SNTG2: variants seen among roughly 807,000 people sequenced by gnomAD.
SNTG2 encodes the protein syntrophin gamma 2, also known as gamma-2-syntrophin.
In SNTG2, 74 loss-of-function variants were observed where a neutral mutation model predicts 70.9. The ratio of observed to expected loss-of-function variants is 1.04; its 90% CI spans 0.86 to 1.27. The LOEUF (loss-of-function observed/expected upper bound fraction) is 1.27, where lower values mean the gene tolerates loss of function less well. Among genes scored for constraint, SNTG2 ranks in the 50% most tolerant of loss-of-function variants. The pLI, the probability that SNTG2 is intolerant of heterozygous loss-of-function variation, is 0.00. For missense variants in SNTG2, 717 were observed against 690.7 expected (o/e 1.04, Z -0.43); for synonymous variants, 278 against 273.8 (o/e 1.02, Z -0.15).
At chr2:1,021,417 A>G (rs1660165613) in intron 1 of SNTG2, among the ~76,000 whole-genome samples, 1 of 152,184 alleles carries the variant, frequency 6.6e-6, no homozygotes, top group South Asian at 2.1e-4. Context: ...CCCATTTTCC[A>G]AGGAGATATA....
intron 14 of SNTG2, among the ~76,000 whole-genome samples, chr2:1,282,537 TTTAA>T (rs1430023968): frequency 1.3e-5 from 2 of 152,196 alleles, no homozygotes; most frequent in Non-Finnish European, 2.9e-5. Flanking sequence ...CTGGATGCTT[TTTAA>T]TTATAATCCC....
intron 11 of SNTG2, among the ~76,000 whole-genome samples, chr2:1,240,528 C>G (rs1330636960): frequency 6.6e-6 from 1 of 152,142 alleles, no homozygotes; most frequent in African/African-American, 2.4e-5. Context: ...GGTTACATCT[C>G]TTAGGGGCGT....
At chr2:1,072,784 T>C (rs1410902484) in intron 1 of SNTG2, among the ~76,000 whole-genome samples, 1 of 152,194 alleles carries the variant, frequency 6.6e-6, no homozygotes, top group Non-Finnish European at 1.5e-5. Flanking sequence ...TTCACCATTC[T>C]AGATGCCACT....
intron 6 of SNTG2, among the ~76,000 whole-genome samples, chr2:1,141,105 C>T (rs930363578): frequency 6.6e-6 from 1 of 152,058 alleles, no homozygotes. Context: ...GGTGGGAAGC[C>T]CCATTCACAG....
chr2:1,142,460 G>A (rs550528995), intron 6 of SNTG2, among the ~76,000 whole-genome samples: 33 of 151,620 alleles, frequency 2.2e-4, no homozygotes, highest in Admixed American at 2.0e-3. Flanking sequence ...CCACAGCAGA[G>A]TTCCTGGGAT....
At chr2:1,194,907 A>G (rs1345651887) in intron 8 of SNTG2, among the ~76,000 whole-genome samples, 3 of 151,982 alleles carry the variant, frequency 2.0e-5, no homozygotes, top group Non-Finnish European at 4.4e-5. Flanking sequence ...GCCCCAGTGT[A>G]TGATGTTCCC....
At chr2:994,665 G>C (rs1013908008) in intron 1 of SNTG2, among the ~76,000 whole-genome samples, 1 of 151,796 alleles carries the variant, frequency 6.6e-6, no homozygotes, top group African/African-American at 2.4e-5. Context: ...AATTTTAACT[G>C]TATTGCCTTC....
At chr2:1,312,293 G>T (rs1360167338) in intron 15 of SNTG2, among the ~76,000 whole-genome samples, 1 of 152,186 alleles carries the variant, frequency 6.6e-6, no homozygotes, top group African/African-American at 2.4e-5. Flanking sequence ...CCCCACGCAG[G>T]CGGGTCTCCT....
intron 10 of SNTG2, 56 bp from the exon 11 acceptor site, chr2:1,239,682 T>C (rs1355520612): frequency 6.3e-7 from 1 of 1,580,428 alleles, no homozygotes; most frequent in African/African-American, 1.3e-5. Flanking sequence ...GTCACTCAGG[T>C]GAGCCATCCT....
At chr2:1,040,271 G>A (rs1661362290) in intron 1 of SNTG2, among the ~76,000 whole-genome samples, 1 of 152,304 alleles carries the variant, frequency 6.6e-6, no homozygotes, top group African/African-American at 2.4e-5. Flanking sequence ...CCAGGCATGG[G>A]GAGTTTTGAA....
At chr2:1,309,061 A>G (rs1259244432) in intron 15 of SNTG2, among the ~76,000 whole-genome samples, 1 of 152,188 alleles carries the variant, frequency 6.6e-6, no homozygotes, top group Non-Finnish European at 1.5e-5. Flanking sequence ...TGTTAAGGAA[A>G]TGCTTTGTGA....
At chr2:1,171,578 G>A (rs1294987441) in intron 7 of SNTG2, among the ~76,000 whole-genome samples, 2 of 152,224 alleles carry the variant, frequency 1.3e-5, no homozygotes, top group Non-Finnish European at 2.9e-5. Context: ...TCTGGGTGCT[G>A]TGTGGAGCAG....
At chr2:1,225,325 G>A (rs555300188) in intron 9 of SNTG2, among the ~76,000 whole-genome samples, 9 of 152,314 alleles carry the variant, frequency 5.9e-5, no homozygotes, top group South Asian at 2.1e-4. Context: ...TTTAAATGCA[G>A]TTGTTAGTAA....
chr2:1,300,181 G>A (rs1427120458), intron 14 of SNTG2, among the ~76,000 whole-genome samples: 1 of 152,146 alleles, frequency 6.6e-6, no homozygotes, highest in Non-Finnish European at 1.5e-5. Flanking sequence ...TGCAAGACAG[G>A]TGCCTTAAAT....
intron 1 of SNTG2, among the ~76,000 whole-genome samples, chr2:1,065,359 T>C (rs535035071): frequency 6.6e-6 from 1 of 152,260 alleles, no homozygotes; most frequent in African/African-American, 2.4e-5. Flanking sequence ...AGGGAACATA[T>C]TCATGATTAC....
chr2:1,044,394 G>A (rs2148064311), intron 1 of SNTG2, among the ~76,000 whole-genome samples: 1 of 152,182 alleles, frequency 6.6e-6, no homozygotes. Context: ...TCTTTCTCTT[G>A]CCTGATTGCT....
At chr2:1,233,364 G>A (rs1401826413) in intron 9 of SNTG2, among the ~76,000 whole-genome samples, 1 of 152,180 alleles carries the variant, frequency 6.6e-6, no homozygotes, top group African/African-American at 2.4e-5. Flanking sequence ...CAGATGATTT[G>A]AAAAAGGGTC....
chr2:1,104,615 G>A (rs7575165), intron 4 of SNTG2, among the ~76,000 whole-genome samples: 2 of 152,042 alleles, frequency 1.3e-5, no homozygotes, highest in East Asian at 3.9e-4. Flanking sequence ...ACTTGTCAGC[G>A]TGGCCCAAGC....
At chr2:1,032,789 A>G (rs1201981917) in intron 1 of SNTG2, among the ~76,000 whole-genome samples, 1 of 151,940 alleles carries the variant, frequency 6.6e-6, no homozygotes, top group Non-Finnish European at 1.5e-5. Flanking sequence ...TGGTAGATAC[A>G]TCAAGGGTGT....
Sources: allele counts gnomAD v4.1 joint callset (sites outside exome capture counted in the v4.1 genomes callset), GRCh38; gene constraint gnomAD v4.1.1; transcripts MANE v1.5; gene names NCBI Gene and HGNC (gene_info 2026-07-23, HGNC 2026-07-21).